Variants in UCK1 observed in about 807,000 individuals in gnomAD.
UCK1 encodes cytidine monophosphokinase 1.
UCK1 carries 20 observed loss-of-function variants against 34.0 expected under a neutral mutation model. That is an observed-to-expected ratio of 0.59 (90% CI 0.41 to 0.86). UCK1 has a LOEUF of 0.86. Among genes scored for constraint, UCK1 ranks in the 40% least tolerant of loss-of-function variants. The probability of loss-of-function intolerance (pLI) is 0.00; values close to 1 mark genes in which losing one functional copy is unlikely to be tolerated. For synonymous variants in UCK1, 168 were observed against 155.9 expected (o/e 1.08, Z -0.58); for missense variants, 343 against 383.6 (o/e 0.89, Z 0.88).
In UCK1 at chr9:131,529,590, G is replaced by C. The variant is rs1950751079; in HGVS notation, c.269-6C>G. 2 of 1,613,948 alleles carry C rather than the reference G, an allele frequency of 1.2e-6. No individual in the cohort carries two copies. The highest frequency in any genetic ancestry group is 1.7e-6 in the Non-Finnish European group (2 of 1,179,954). ...CAAATCATTATCAAAGGCATCTGCA[G>C]GGTTGGAGACAAAGGCAAGACAGGC... On this transcript the variant is annotated splice_region_variant and splice_polypyrimidine_tract_variant and intron_variant, in intron 2 of 6. Transcript: ENST00000372215.
At chr9:131,530,247 G>A (rs1382623277) in intron 2 of UCK1, among the ~76,000 whole-genome samples, 1 of 152,220 alleles carries the variant, frequency 6.6e-6, no homozygotes, top group Non-Finnish European at 1.5e-5. Context: ...GCTCCCCACA[G>A]TGCAACAGGC....
chr9:131,531,160 T>C lies in UCK1; in HGVS notation c.15A>G (p.Gly5=). Residue 5 remains glycine (G), a synonymous_variant, in exon 1 of 7, where the codon GGA becomes GGG. Coordinates refer to ENST00000372215, the MANE Select transcript of UCK1 (RefSeq NM_031432.5). MASA[G]GEDCESPAPE... Reference sequence around the variant, plus strand: ...GCGCGGGGCTCTCGCAGTCTTCGCCTCCCGCCGAAGCCATCTCGGCCTCCG... The same window carrying C: ...GCGCGGGGCTCTCGCAGTCTTCGCCCCCCGCCGAAGCCATCTCGGCCTCCG... 7.0e-7 allele frequency: 1 copy of C among 1,423,836 alleles called. No individual in the cohort carries two copies. The highest frequency in any genetic ancestry group is 9.2e-7 in the Non-Finnish European group (1 of 1,090,106). 88.2% of individuals were successfully genotyped at this position (1,423,836 alleles called of 1,614,324 possible). A position where few individuals can be genotyped will look rare whatever the true frequency, so the allele number is the denominator to read the frequency against.
chr9:131,530,270 T>C (rs1950781504), intron 2 of UCK1, among the ~76,000 whole-genome samples: 1 of 152,146 alleles, frequency 6.6e-6, no homozygotes. Flanking sequence ...CCTGACTGGC[T>C]CCAACCACGC....
In UCK1 at chr9:131,531,114, G is replaced by C. The variant is rs1950826792; in HGVS notation, c.61C>G (p.Gln21Glu). Residue 21 changes from glutamine to glutamate, a missense_variant, in exon 1 of 7, where the codon CAG (glutamine) becomes GAG (glutamate). Coordinates refer to ENST00000372215, the MANE Select transcript of UCK1 (RefSeq NM_031432.5). ...SPAPEADRPHQRPFLIGVSGG... is the reference protein window; with the variant it reads ...SPAPEADRPHERPFLIGVSGG... Reference sequence around the variant, plus strand: ...CTCACCCCTATCAGGAAGGGCCGCTGGTGCGGACGGTCGGCCTCCGGCGCG... The same window carrying C: ...CTCACCCCTATCAGGAAGGGCCGCTCGTGCGGACGGTCGGCCTCCGGCGCG... 6.9e-7 allele frequency: 1 copy of C among 1,451,322 alleles called. No homozygotes were observed. Among genetic ancestry groups the C allele is most frequent in the Non-Finnish European group, 9.0e-7 (1 of 1,105,326 alleles). The allele number at this position is 1,451,322 out of a possible 1,614,324, so 89.9% of individuals were successfully genotyped here.
chr9:131,529,332 A>G (rs920470458), intron 3 of UCK1, 62 bp from the exon 4 acceptor site: 1 of 1,609,150 alleles, frequency 6.2e-7, no homozygotes, highest in Non-Finnish European at 8.5e-7. Context: ...CCACACACAC[A>G]GTCAGCTTCC....
chr9:131,525,867 A>G, intron 6 of UCK1, 62 bp downstream of exon 6: 1 of 1,570,758 alleles, frequency 6.4e-7, no homozygotes, highest in South Asian at 1.1e-5. Flanking sequence ...ACACTGGTGG[A>G]ACTGTCCCTG....
Position 131,525,069 on chromosome 9 carries a change from G to A in UCK1, c.805C>T (p.His269Tyr). The A allele has an allele frequency of 1.2e-6, 2 of 1,613,284 alleles. No individual in the cohort carries two copies. The highest frequency in any genetic ancestry group is 8.5e-7 in the Non-Finnish European group (1 of 1,179,854). The part of the protein sequence containing the change: ...PGMLTSGKRS[H>Y]LESSSRPH ...TGGGGTCTGCTGCTGGACTCCAAAT[G>A]TGACCGTTTGCCAGAGGTCAGCATC... is the stretch of plus-strand genomic sequence containing the variant. Residue 269 changes from histidine to tyrosine, a missense_variant, in exon 7 of 7, where the codon CAT (histidine) becomes TAT (tyrosine). Coordinates refer to ENST00000372215, the MANE Select transcript of UCK1 (RefSeq NM_031432.5).
chr9:131,525,156 G>A lies in UCK1; in HGVS notation c.718C>T (p.Arg240Ter), dbSNP rs750633412. Residue 240 changes from arginine to a stop codon, truncating the protein, a stop_gained, in exon 7 of 7, where the codon CGA (arginine) becomes TGA (stop). Transcript: ENST00000372215. LOFTEE classifies it high-confidence loss of function. ...ILNGDICKWH[R>*]GGSNGRSYKR... The stretch of plus-strand genomic sequence containing the variant: ...TAGCTCCGCCCATTGGACCCTCCTC[G>A]GTGCCATTTGCAGATGTCACCATTC... 7 of 1,614,082 alleles carry A rather than the reference G, an allele frequency of 4.3e-6. No homozygotes were observed. The highest frequency in any genetic ancestry group is 2.2e-5 in the East Asian group (1 of 44,878).
At chr9:131,526,155 C>A (rs1588530077) in intron 5 of UCK1, 178 bp from the exon 6 acceptor site, 1 of 765,824 alleles carries the variant, frequency 1.3e-6, no homozygotes, top group East Asian at 2.6e-5. Context: ...AGGCCATGAT[C>A]CAAGAAGTGA....
chr9:131,530,430 T>G (rs1950788173), intron 2 of UCK1, 56 bp downstream of exon 2: 2 of 1,601,326 alleles, frequency 1.2e-6, no homozygotes, highest in Middle Eastern at 1.8e-4. Context: ...CGCAGCTGGT[T>G]AGCGGCCGCC....
Position 131,524,906 on chromosome 9 carries a change from G to T in UCK1, c.*134C>A. On this transcript the variant is annotated 3_prime_UTR_variant, in exon 7 of 7. Transcript: ENST00000372215. ...GACACATCTGAGTTTCCACTCCTGAGTGAGGAAGGCCTCGCTGCTAACACT... is the reference window on the plus strand; with the variant it reads ...GACACATCTGAGTTTCCACTCCTGATTGAGGAAGGCCTCGCTGCTAACACT... 3 of 1,078,016 alleles carry T rather than the reference G, an allele frequency of 2.8e-6. No individual in the cohort carries two copies. The highest frequency in any genetic ancestry group is 1.7e-5 in the South Asian group (1 of 58,924). 66.8% of individuals were successfully genotyped at this position (1,078,016 alleles called of 1,614,324 possible). A position where few individuals can be genotyped will look rare whatever the true frequency, so the allele number is the denominator to read the frequency against.
chr9:131,525,504 G>A (rs1950564663), intron 6 of UCK1, among the ~76,000 whole-genome samples: 1 of 152,184 alleles, frequency 6.6e-6, no homozygotes, highest in Admixed American at 6.5e-5. Flanking sequence ...TAAGAAACAG[G>A]TTCTTACTTT....
chr9:131,525,341 G>A (rs1306833885), intron 6 of UCK1, 120 bp from the exon 7 acceptor site: 4 of 1,237,952 alleles, frequency 3.2e-6, no homozygotes, highest in South Asian at 2.6e-5. Context: ...CACAGCCTGC[G>A]GCGAGGGGCA....
chr9:131,530,722 T>C lies in UCK1; in HGVS notation c.109-77A>G. ...GCACGGGGCCGGCTTCTGGAGACAC[T>C]GACCCACCCGCCCCCTGGGGGGTAT... On this transcript the variant is annotated intron_variant, in intron 1 of 6. Transcript: ENST00000372215. 1.9e-6 allele frequency: 3 copies of C among 1,613,154 alleles called. 1 individual carries two copies. The highest frequency in any genetic ancestry group is 2.5e-6 in the Non-Finnish European group (3 of 1,179,600).
Position 131,531,241 on chromosome 9 carries a change from CAG to C in UCK1, c.-69_-68del. 10 of 1,295,624 alleles carry C rather than the reference CAG, an allele frequency of 7.7e-6. No homozygotes were observed. Among genetic ancestry groups the C allele is most frequent in the African/African-American group, 4.7e-5 (3 of 63,998 alleles). 80.3% of individuals were successfully genotyped at this position (1,295,624 alleles called of 1,614,324 possible). ...CTTCCCCAGGCCCGGCGCGCCCGCC[CAG>C]CGCCGAGGTCGGAGGCAACCGGAGC... On this transcript the variant is annotated 5_prime_UTR_variant, in exon 1 of 7. Coordinates refer to ENST00000372215, the MANE Select transcript of UCK1 (RefSeq NM_031432.5).
chr9:131,525,778 C>T (rs756820788), intron 6 of UCK1, 151 bp downstream of exon 6: 8 of 852,000 alleles, frequency 9.4e-6, no homozygotes, highest in Non-Finnish European at 1.4e-5. Context: ...CAGCTACATA[C>T]ATTTTTAAGC....
intron 3 of UCK1, 47 bp downstream of exon 3, chr9:131,529,440 GT>G: frequency 6.2e-7 from 1 of 1,609,972 alleles, no homozygotes; most frequent in East Asian, 2.2e-5. Context: ...CCGAGGGGAC[GT>G]CCTAGCTGGC....
chr9:131,525,068 T>C lies in UCK1; in HGVS notation c.806A>G (p.His269Arg). ...PGMLTSGKRSHLESSSRPH is the reference protein window; with the variant it reads ...PGMLTSGKRSRLESSSRPH ...GTGGGGTCTGCTGCTGGACTCCAAA[T>C]GTGACCGTTTGCCAGAGGTCAGCAT... Residue 269 changes from histidine to arginine, a missense_variant, in exon 7 of 7, where the codon CAT becomes CGT. His to Arg is a conservative substitution (Grantham distance 29, BLOSUM62 0). Transcript: ENST00000372215. 1 of 1,613,170 alleles carries C rather than the reference T, an allele frequency of 6.2e-7. No homozygotes were observed. The highest frequency in any genetic ancestry group is 8.5e-7 in the Non-Finnish European group (1 of 1,179,824).
rs765836238 is a variant in UCK1, at chr9:131,525,231, GAGAC to G, written c.653-14_653-11del. 80 of 1,613,370 alleles carry G rather than the reference GAGAC, an allele frequency of 5.0e-5. No homozygotes were observed. The highest frequency in any genetic ancestry group is 6.6e-5 in the Non-Finnish European group (78 of 1,179,964). ...ATCAGGTTGATGGCAACTGCGCCAA[GAGAC>G]AGACAAGCAGCGGGTTAGCCGCATC... On this transcript the variant is annotated splice_polypyrimidine_tract_variant and intron_variant, in intron 6 of 6. Coordinates refer to ENST00000372215, the MANE Select transcript of UCK1 (RefSeq NM_031432.5).
Sources: allele counts gnomAD v4.1 joint callset (sites outside exome capture counted in the v4.1 genomes callset), GRCh38; gene constraint gnomAD v4.1.1; transcripts MANE v1.5; gene names NCBI Gene and HGNC (gene_info 2026-07-23, HGNC 2026-07-21).